The following TTC39B variants were observed in gnomAD, a reference collection of about 807,000 sequenced individuals.
The protein encoded by TTC39B is tetratricopeptide repeat protein 39B.
TTC39B carries 92 observed loss-of-function variants against 96.6 expected under a neutral mutation model. The ratio of observed to expected loss-of-function variants is 0.95; its 90% CI spans 0.80 to 1.13. The LOEUF (loss-of-function observed/expected upper bound fraction) is 1.13, where lower values mean the gene tolerates loss of function less well. TTC39B is among the 50% of genes most tolerant of loss of function. TTC39B has a pLI of 0.00. For missense variants in TTC39B, 955 were observed against 809.3 expected (o/e 1.18, Z -2.18); for synonymous variants, 367 against 299.4 (o/e 1.23, Z -2.33).
At chr9:15,167,319 A>T (rs1817549005) in exon 20 of TTC39B, 1 of 146,772 alleles carries the variant, frequency 6.8e-6, no homozygotes, top group South Asian at 2.2e-4. Flanking sequence ...AAGTTTTAGG[A>T]TTACAGGCGT....
chr9:15,259,304 T>C lies in TTC39B; in HGVS notation c.275+8610A>G, dbSNP rs118055244. On this transcript the variant is annotated intron_variant, in intron 2 of 19. Coordinates refer to ENST00000512701, the Ensembl canonical transcript of TTC39B. ...TTACCTGAGGACACCACCAACCTGA[T>C]CCACTTAAAGTTAAATAACCTGCTT... Among the ~76,000 whole-genome samples, 441 of 152,298 alleles carry C rather than the reference T, an allele frequency of 2.9e-3. 3 individuals are homozygous for C. Among genetic ancestry groups the C allele is most frequent in the Non-Finnish European group, 5.2e-3 (355 of 68,020 alleles).
chr9:15,217,231 G>A (rs374830245), intron 3 of TTC39B, among the ~76,000 whole-genome samples: 11 of 152,202 alleles, frequency 7.2e-5, no homozygotes, highest in Admixed American at 3.3e-4. Context: ...CTCAACATCC[G>A]TTCCCTTCGA....
chr9:15,190,108 T>A (rs1039158879), intron 11 of TTC39B, among the ~76,000 whole-genome samples: 2 of 151,190 alleles, frequency 1.3e-5, no homozygotes, highest in African/African-American at 2.5e-5. Context: ...AAAAATCTCA[T>A]ATATGATAAA....
chr9:15,227,294 G>A (rs888433664), intron 2 of TTC39B, among the ~76,000 whole-genome samples: 10 of 147,284 alleles, frequency 6.8e-5, no homozygotes, highest in Non-Finnish European at 1.3e-4. Flanking sequence ...GGCGACAAGA[G>A]CAAAACTCCA....
At chr9:15,222,741 G>A (rs2131392660) in intron 3 of TTC39B, among the ~76,000 whole-genome samples, 1 of 152,226 alleles carries the variant, frequency 6.6e-6, no homozygotes, top group African/African-American at 2.4e-5. Flanking sequence ...GTCTATGAAA[G>A]GTTTTCTCTC....
At chr9:15,225,951 C>T in exon 3 of TTC39B, 2 of 1,614,016 alleles carry the variant, frequency 1.2e-6, no homozygotes. Flanking sequence ...TGTCTGGGCG[C>T]CTGTTGTGTA....
At chr9:15,207,807 A>G (rs1422380994) in intron 6 of TTC39B, among the ~76,000 whole-genome samples, 1 of 150,924 alleles carries the variant, frequency 6.6e-6, no homozygotes, top group Admixed American at 6.6e-5. Context: ...ACGTGGTGAA[A>G]CCCCGTCTCT....
intron 2 of TTC39B, among the ~76,000 whole-genome samples, chr9:15,263,985 G>A (rs930613693): frequency 4.6e-5 from 7 of 152,188 alleles, no homozygotes; most frequent in African/African-American, 1.7e-4. Context: ...AAACTGAGCA[G>A]GACAGGGAAG....
rs756119798 is a variant in TTC39B at position 15,306,403 on chromosome 9, G to C, written c.240+681C>G. ...GTTGAAACCAAAGGAGGCCGGAGTC[G>C]GTTCTCAAAGTGGTTTCCCTCCGGC... On this transcript the variant is annotated intron_variant, in intron 1 of 19. Coordinates refer to ENST00000512701, the Ensembl canonical transcript of TTC39B. This position sits in a 1 kb window ranked among gnomAD's most constrained non-coding sequence, Gnocchi z 5.1. Among the ~76,000 whole-genome samples the C allele has an allele frequency of 1.3e-5, 2 of 152,170 alleles. No homozygotes were observed. The highest frequency in any genetic ancestry group is 1.5e-5 in the Non-Finnish European group (1 of 68,028).
intron 1 of TTC39B, among the ~76,000 whole-genome samples, chr9:15,275,205 C>A (rs543981397): frequency 6.6e-6 from 1 of 152,202 alleles, no homozygotes; most frequent in South Asian, 2.1e-4. Flanking sequence ...CTACACCCAG[C>A]TAATTTTGTA....
intron 8 of TTC39B, 106 bp from the exon 9 acceptor site, chr9:15,192,801 A>C: frequency 5.5e-6 from 4 of 722,000 alleles, no homozygotes; most frequent in Non-Finnish European, 9.1e-6. Context: ...TCATTAATTA[A>C]AATACCATCA....
chr9:15,251,734 T>TATAC (rs1376062488), intron 2 of TTC39B, among the ~76,000 whole-genome samples: 2 of 126,148 alleles, frequency 1.6e-5, no homozygotes, highest in Non-Finnish European at 3.3e-5. Flanking sequence ...TATATATATA[T>TATAC]ATGTAGTATA....
At chr9:15,198,692 AAG>A (rs1554768185) in intron 8 of TTC39B, among the ~76,000 whole-genome samples, 4 of 151,926 alleles carry the variant, frequency 2.6e-5, no homozygotes, top group African/African-American at 9.7e-5. Flanking sequence ...GACAGGAAAA[AAG>A]GGGGAGAGAA....
intron 6 of TTC39B, among the ~76,000 whole-genome samples, chr9:15,208,454 G>C (rs1820002546): frequency 6.6e-6 from 1 of 152,166 alleles, no homozygotes; most frequent in Admixed American, 6.5e-5. Flanking sequence ...TGGGCCACTA[G>C]AGGGAAACCA....
At chr9:15,199,465 G>A (rs1480436684) in intron 8 of TTC39B, among the ~76,000 whole-genome samples, 1 of 152,026 alleles carries the variant, frequency 6.6e-6, no homozygotes, top group African/African-American at 2.4e-5. Flanking sequence ...GCCAGGCGCG[G>A]TGGCTCACGC....
chr9:15,292,547 A>C (rs1466976633), intron 1 of TTC39B, among the ~76,000 whole-genome samples: 1 of 152,120 alleles, frequency 6.6e-6, no homozygotes, highest in East Asian at 1.9e-4. Context: ...AGAAGAGTTA[A>C]CTCTAAAACA....
chr9:15,193,970 G>C (rs1291342538), intron 8 of TTC39B, among the ~76,000 whole-genome samples: 2 of 152,180 alleles, frequency 1.3e-5, no homozygotes, highest in Non-Finnish European at 2.9e-5. Context: ...AGGATCCCGG[G>C]TTGGATCCTG....
chr9:15,168,443 G>A (rs1160989869), exon 20 of TTC39B: 1 of 138,238 alleles, frequency 7.2e-6, no homozygotes, highest in Non-Finnish European at 1.6e-5. Context: ...AGAAATGGAG[G>A]GAAATGAATG....
chr9:15,215,779 GC>G (rs1386947678), intron 3 of TTC39B, among the ~76,000 whole-genome samples: 1 of 151,548 alleles, frequency 6.6e-6, no homozygotes, highest in Non-Finnish European at 1.5e-5. Context: ...CAGGAGAATT[GC>G]TTGAACCTGG....
Sources: allele counts gnomAD v4.1 joint callset (sites outside exome capture counted in the v4.1 genomes callset), GRCh38; gene constraint gnomAD v4.1.1; non-coding constraint Gnocchi (gnomAD v3.1); transcripts MANE v1.5; gene names NCBI Gene and HGNC (gene_info 2026-07-23, HGNC 2026-07-21).